RNLS: variants seen among roughly 807,000 people sequenced by gnomAD.
RNLS encodes renalase.
In RNLS, 39 loss-of-function variants were observed where a neutral mutation model predicts 39.8. That is an observed-to-expected ratio of 0.98 (90% CI 0.76 to 1.28). The LOEUF is 1.28. Ranked by LOEUF, RNLS falls within the 50% of genes most tolerant of loss-of-function variation. The pLI is 0.00. For synonymous variants in RNLS, 147 were observed against 150.7 expected (o/e 0.98, Z 0.18); for missense variants, 410 against 413.3 (o/e 0.99, Z 0.07).
intron 4 of RNLS, among the ~76,000 whole-genome samples, chr10:88,425,222 G>A (rs1447394337): frequency 6.6e-6 from 1 of 152,020 alleles, no homozygotes; most frequent in African/African-American, 2.4e-5. Flanking sequence ...TAGTTGTCTC[G>A]TTTTGTTTTG....
chr10:88,503,249 C>CA (rs554425730), intron 4 of RNLS, among the ~76,000 whole-genome samples: 151 of 152,222 alleles, frequency 9.9e-4, no homozygotes, highest in Non-Finnish European at 1.9e-3. Flanking sequence ...GGCATGGTGG[C>CA]ACATGCCTGT....
At chr10:88,492,268 T>C (rs995024189) in intron 4 of RNLS, among the ~76,000 whole-genome samples, 1 of 151,990 alleles carries the variant, frequency 6.6e-6, no homozygotes, top group Non-Finnish European at 1.5e-5. Flanking sequence ...AGAAAGTAAT[T>C]TTTGGGGTAG....
Position 88,310,824 on chromosome 10 carries a change from A to AAAAAAAAAAAAAAAG in RNLS, c.876+3641_876+3642insCTTTTTTTTTTTTTT, listed in dbSNP as rs1217903555. 4.2e-4 allele frequency among the ~76,000 whole-genome samples: 48 copies of AAAAAAAAAAAAAAAG among 113,442 alleles called. 1 individual carries two copies. The highest frequency in any genetic ancestry group is 3.2e-4 in the South Asian group (1 of 3,094). The allele number at this position is 113,442 out of a possible 152,430, so 74.4% of individuals were successfully genotyped here. A position where few individuals can be genotyped will look rare whatever the true frequency, so the allele number is the denominator to read the frequency against. On this transcript the variant is annotated intron_variant, in intron 6 of 6. Transcript: ENST00000331772. ...GCCAAAAAAAAAAAAAAAAAAAAAAAAAAGAAAGAAAAGGAAGAGAAAAGG... is the reference window on the plus strand; with the variant it reads ...GCCAAAAAAAAAAAAAAAAAAAAAAAAAAAAAAAAAAAAAGAAAGAAAGAAAAGGAAGAGAAAAGG...
intron 6 of RNLS, among the ~76,000 whole-genome samples, chr10:88,294,879 T>C (rs533194523): frequency 6.6e-6 from 1 of 152,138 alleles, no homozygotes; most frequent in Non-Finnish European, 1.5e-5. Context: ...TTTTTCTCTA[T>C]GGAAATAATT....
intron 4 of RNLS, among the ~76,000 whole-genome samples, chr10:88,436,194 GTGT>G (rs1401995541): frequency 6.6e-6 from 1 of 152,142 alleles, no homozygotes; most frequent in African/African-American, 2.4e-5. Context: ...CACTGGGTTG[GTGT>G]TGTGGGCTCA....
At chr10:88,237,557 T>C in the RNLS span, among the ~76,000 whole-genome samples, 4 of 152,192 alleles carry the variant, frequency 2.6e-5, no homozygotes, top group Non-Finnish European at 4.4e-5. Flanking sequence ...TTATAAAATA[T>C]ATTATTCCCT....
chr10:88,578,810 G>A (rs1347188689), intron 3 of RNLS, among the ~76,000 whole-genome samples: 1 of 152,122 alleles, frequency 6.6e-6, no homozygotes, highest in Non-Finnish European at 1.5e-5. Context: ...TAAGGAGATA[G>A]ATGCAATGTA....
chr10:88,557,495 G>C lies in RNLS; in HGVS notation c.526+15408C>G, dbSNP rs117291458. On this transcript the variant is annotated intron_variant, in intron 4 of 6. Transcript: ENST00000331772. Reference sequence around the variant, plus strand: ...AAATGTCCAGTCAGTGTATAAACAAGTCTCATAAATCTGAGGCAATATAAT... The same window carrying C: ...AAATGTCCAGTCAGTGTATAAACAACTCTCATAAATCTGAGGCAATATAAT... Among the ~76,000 whole-genome samples the C allele has an allele frequency of 1.6e-3, 246 of 152,164 alleles. 1 individual carries two copies. Among genetic ancestry groups the C allele is most frequent in the Non-Finnish European group, 2.0e-3 (133 of 67,982 alleles).
chr10:88,353,136 CT>C (rs1311956729), intron 5 of RNLS, among the ~76,000 whole-genome samples: 1 of 152,060 alleles, frequency 6.6e-6, no homozygotes, highest in Non-Finnish European at 1.5e-5. Context: ...TTTTGCTGAT[CT>C]TTTCAAAAAA....
chr10:88,542,151 T>A lies in RNLS; in HGVS notation c.526+30752A>T, dbSNP rs570758781. On this transcript the variant is annotated intron_variant, in intron 4 of 6. Transcript: ENST00000331772. The stretch of plus-strand genomic sequence containing the variant: ...TCAAGTTATAGTGAATGAAAAGCTA[T>A]CATATCAGAATAATCCAGGCCCCTC... Among the ~76,000 whole-genome samples, 6 of 152,220 alleles carry A rather than the reference T, an allele frequency of 3.9e-5. No individual in the cohort carries two copies. In the South Asian group the frequency reaches 8.3e-4, roughly 21 times the overall value.
At chr10:88,266,859 GGCT>G in the RNLS span, among the ~76,000 whole-genome samples, 79,607 of 151,698 alleles carry the variant, frequency 0.52, 22,649 homozygotes, top group African/African-American at 0.75. Flanking sequence ...AAAGGTAGCT[GGCT>G]GCTGGTGTCA....
At chr10:88,228,259 C>A in the RNLS span, among the ~76,000 whole-genome samples, 1 of 152,192 alleles carries the variant, frequency 6.6e-6, no homozygotes, top group Non-Finnish European at 1.5e-5. Context: ...CTTGTACATG[C>A]AATGGCCACA....
At chr10:88,502,996 GC>G (rs1183714928) in intron 4 of RNLS, among the ~76,000 whole-genome samples, 5 of 152,022 alleles carry the variant, frequency 3.3e-5, no homozygotes, top group African/African-American at 1.2e-4. Context: ...CCAGGTACTG[GC>G]CCATCACCCA....
chr10:88,326,056 C>G (rs1326675925), intron 5 of RNLS, among the ~76,000 whole-genome samples: 1 of 152,194 alleles, frequency 6.6e-6, no homozygotes, highest in Non-Finnish European at 1.5e-5. Context: ...AACTGTAAGT[C>G]AATTAAACCT....
At chr10:88,575,432 C>T (rs1410332510) in intron 3 of RNLS, among the ~76,000 whole-genome samples, 3 of 151,552 alleles carry the variant, frequency 2.0e-5, no homozygotes, top group Non-Finnish European at 4.4e-5. Flanking sequence ...TTAACAAGCT[C>T]CCTTAGTCTT....
At chr10:88,495,314 A>T (rs1845103624) in intron 4 of RNLS, among the ~76,000 whole-genome samples, 1 of 152,182 alleles carries the variant, frequency 6.6e-6, no homozygotes, top group Non-Finnish European at 1.5e-5. Flanking sequence ...TGAGAAAAAT[A>T]GTCAATAGAG....
chr10:88,353,767 G>A (rs1365968976), intron 5 of RNLS, among the ~76,000 whole-genome samples: 3 of 152,192 alleles, frequency 2.0e-5, no homozygotes, highest in Non-Finnish European at 4.4e-5. Context: ...GGATATCCTT[G>A]TTAAGTTTCT....
intron 4 of RNLS, among the ~76,000 whole-genome samples, chr10:88,476,870 A>T (rs1416675253): frequency 6.6e-6 from 1 of 152,230 alleles, no homozygotes; most frequent in African/African-American, 2.4e-5. Context: ...ATGCAAACCC[A>T]AACAGCAAAG....
chr10:88,289,393 A>G (rs1247444850), intron 6 of RNLS, among the ~76,000 whole-genome samples: 1 of 152,030 alleles, frequency 6.6e-6, no homozygotes, highest in East Asian at 1.9e-4. Context: ...TGTGGCTTGG[A>G]ACAAACCATT....
Sources: allele counts gnomAD v4.1 joint callset (sites outside exome capture counted in the v4.1 genomes callset), GRCh38; gene constraint gnomAD v4.1.1; transcripts MANE v1.5; gene names NCBI Gene and HGNC (gene_info 2026-07-23, HGNC 2026-07-21).